PLCB1: variants seen among roughly 807,000 people sequenced by gnomAD.
The protein encoded by PLCB1 is 1-phosphatidylinositol 4,5-bisphosphate phosphodiesterase beta-1.
A neutral mutation model predicts 161.8 loss-of-function variants in PLCB1; 46 were observed. The ratio of observed to expected loss-of-function variants is 0.28; its 90% confidence interval spans 0.22 to 0.36. The LOEUF (loss-of-function observed/expected upper bound fraction) is 0.36, where lower values mean the gene tolerates loss of function less well. Ranked by LOEUF, PLCB1 falls within the 10% of genes least tolerant of loss-of-function variation. The pLI is 1.00. For synonymous variants in PLCB1, 517 were observed against 503.7 expected (o/e 1.03, Z -0.35); for missense variants, 1,016 against 1,472.5 (o/e 0.69, Z 5.07).
chr20:8,810,596 A>G (rs1384485049), intron 31 of PLCB1, among the ~76,000 whole-genome samples: 1 of 152,224 alleles, frequency 6.6e-6, no homozygotes, highest in Non-Finnish European at 1.5e-5. Context: ...ATAAGAATGG[A>G]TGAAATCCTT....
intron 17 of PLCB1, among the ~76,000 whole-genome samples, chr20:8,728,281 G>A (rs1980047661): frequency 6.6e-6 from 1 of 152,082 alleles, no homozygotes; most frequent in Non-Finnish European, 1.5e-5. Flanking sequence ...AAGTTTGAGA[G>A]TTGAGGTTCA....
chr20:8,344,514 T>C (rs1448053812), intron 2 of PLCB1, among the ~76,000 whole-genome samples: 1 of 152,244 alleles, frequency 6.6e-6, no homozygotes, highest in Non-Finnish European at 1.5e-5. Flanking sequence ...TTTTCCCATT[T>C]CATGCGCAAG....
intron 2 of PLCB1, among the ~76,000 whole-genome samples, chr20:8,351,571 A>G (rs930125779): frequency 2.6e-5 from 4 of 152,082 alleles, no homozygotes; most frequent in African/African-American, 9.7e-5. Context: ...ACTGGGAGAA[A>G]GTATATGGAA....
chr20:8,870,226 C>T (rs1426774334), intron 31 of PLCB1, among the ~76,000 whole-genome samples: 2 of 152,180 alleles, frequency 1.3e-5, no homozygotes. Flanking sequence ...ACTAGCCAGC[C>T]ATATCCTTGA....
chr20:8,713,269 A>T (rs1175454117), intron 12 of PLCB1, among the ~76,000 whole-genome samples: 1 of 151,878 alleles, frequency 6.6e-6, no homozygotes, highest in Non-Finnish European at 1.5e-5. Context: ...GCTTACTGCA[A>T]CCTCCACCTC....
At chr20:8,408,739 T>A (rs1037395558) in intron 3 of PLCB1, among the ~76,000 whole-genome samples, 16 of 152,134 alleles carry the variant, frequency 1.1e-4, no homozygotes, top group African/African-American at 3.9e-4. Context: ...GTCAACTGTG[T>A]TAGGGTCTAT....
At chr20:8,191,091 G>A (rs2051964998) in intron 2 of PLCB1, among the ~76,000 whole-genome samples, 1 of 151,276 alleles carries the variant, frequency 6.6e-6, no homozygotes, top group African/African-American at 2.4e-5. Context: ...ATACCTTTAT[G>A]GTTTTTTTGT....
chr20:8,788,489 A>G lies in PLCB1; in HGVS notation c.3152A>G (p.Asn1051Ser), dbSNP rs1249702793. The G allele has an allele frequency of 1.2e-6, 2 of 1,613,854 alleles. No homozygotes were observed. The highest frequency in any genetic ancestry group is 3.3e-5 in the Admixed American group (2 of 59,992). Reference sequence around the variant, plus strand: ...ACGGATGTCGCAGAAGAGTGTCAGAACAATCAGTTAAAGAAGCTCAAAGAA... The same window carrying G: ...ACGGATGTCGCAGAAGAGTGTCAGAGCAATCAGTTAAAGAAGCTCAAAGAA... ...KLTDVAEECQ[N>S]NQLKKLKEIC... Residue 1051 changes from asparagine (N) to serine (S), a missense_variant, in exon 28 of 32, where the codon AAC becomes AGC. By Grantham distance (46) the Asn-to-Ser change is conservative. This residue lies in a region of PLCB1 where 398 missense variants were observed against 445.4 expected (regional missense o/e 0.89). Coordinates refer to ENST00000338037, the MANE Select transcript of PLCB1 (RefSeq NM_015192.4).
chr20:8,514,092 A>C (rs112893140), intron 3 of PLCB1, among the ~76,000 whole-genome samples: 13,254 of 152,014 alleles, frequency 0.087, 693 homozygotes, highest in Middle Eastern at 0.17. Context: ...AGATGTAATT[A>C]CACACTTAGG....
At chr20:8,613,179 A>G (rs1284003364) in intron 3 of PLCB1, among the ~76,000 whole-genome samples, 2 of 152,246 alleles carry the variant, frequency 1.3e-5, no homozygotes, top group Non-Finnish European at 2.9e-5. Context: ...ACTGTCCAAT[A>G]CCATGCTGAA....
chr20:8,762,576 A>G (rs1448256559), intron 25 of PLCB1, among the ~76,000 whole-genome samples: 5 of 152,244 alleles, frequency 3.3e-5, no homozygotes, highest in Non-Finnish European at 4.4e-5. Context: ...TTAAAGAAAT[A>G]GAATTGCATC....
intron 2 of PLCB1, among the ~76,000 whole-genome samples, chr20:8,368,715 C>T (rs879576475): frequency 6.6e-6 from 1 of 151,702 alleles, no homozygotes; most frequent in African/African-American, 2.4e-5. Flanking sequence ...AAGAGAACAC[C>T]CATGTAATGA....
chr20:8,878,706 T>G (rs1396031740), intron 31 of PLCB1, among the ~76,000 whole-genome samples: 1 of 152,150 alleles, frequency 6.6e-6, no homozygotes, highest in Non-Finnish European at 1.5e-5. Flanking sequence ...ATACCATTTT[T>G]ATTTTTATTT....
At chr20:8,287,604 A>G (rs966056642) in intron 2 of PLCB1, among the ~76,000 whole-genome samples, 3 of 152,176 alleles carry the variant, frequency 2.0e-5, no homozygotes, top group African/African-American at 7.2e-5. Flanking sequence ...ATTCATCTTT[A>G]CAAGGTGTAA....
intron 31 of PLCB1, chr20:8,792,939 G>C: frequency 3.6e-6 from 1 of 275,010 alleles, no homozygotes; most frequent in South Asian, 4.1e-5. Context: ...TAAATGGGTG[G>C]TGAGGAGAGG....
chr20:8,384,242 T>A (rs1056531519), intron 3 of PLCB1, among the ~76,000 whole-genome samples: 14 of 151,950 alleles, frequency 9.2e-5, no homozygotes, highest in Admixed American at 4.6e-4. Flanking sequence ...TTTTCTCTAA[T>A]CTTGTCTGCA....
At chr20:8,509,787 A>G (rs1373798694) in intron 3 of PLCB1, among the ~76,000 whole-genome samples, 2 of 150,730 alleles carry the variant, frequency 1.3e-5, no homozygotes, top group African/African-American at 2.4e-5. Context: ...GATAGATAGC[A>G]TGAAGATGGT....
chr20:8,266,309 A>G (rs2246899), intron 2 of PLCB1, among the ~76,000 whole-genome samples: 17,588 of 152,106 alleles, frequency 0.12, 1,291 homozygotes, highest in African/African-American at 0.19. Flanking sequence ...TGGAGGGGCA[A>G]TGATGTGGCT....
At chr20:8,645,132 G>C (rs1319155381) in intron 4 of PLCB1, among the ~76,000 whole-genome samples, 1 of 150,638 alleles carries the variant, frequency 6.6e-6, no homozygotes, top group Non-Finnish European at 1.5e-5. Context: ...TGCTCGTTAA[G>C]AGTCATCACC....
Sources: allele counts gnomAD v4.1 joint callset (sites outside exome capture counted in the v4.1 genomes callset), GRCh38; gene constraint gnomAD v4.1.1; regional missense constraint gnomAD v4.1.1; transcripts MANE v1.5; gene names NCBI Gene and HGNC (gene_info 2026-07-23, HGNC 2026-07-21).